CEMIP: variants seen among roughly 807,000 people sequenced by gnomAD.
CEMIP encodes the protein cell migration inducing hyaluronidase 1, also known as cell migration-inducing and hyaluronan-binding protein.
A neutral mutation model predicts 156.9 loss-of-function variants in CEMIP; 105 were observed. The observed-to-expected ratio is 0.67, with a 90% confidence interval of 0.57 to 0.79. The LOEUF (loss-of-function observed/expected upper bound fraction) is 0.79. Among genes scored for constraint, CEMIP ranks in the 30% least tolerant of loss-of-function variants. CEMIP has a pLI of 0.00. For missense variants in CEMIP, 1,457 were observed against 1,769.4 expected (o/e 0.82, Z 3.17); for synonymous variants, 676 against 668.4 (o/e 1.01, Z -0.17).
intron 1 of CEMIP, among the ~76,000 whole-genome samples, chr15:80,857,260 G>A (rs1260432359): frequency 6.6e-6 from 1 of 152,208 alleles, no homozygotes; most frequent in Non-Finnish European, 1.5e-5. Context: ...GCCAGGCCCT[G>A]CCTCATGACA....
chr15:80,826,320 G>A (rs563911556), intron 1 of CEMIP, among the ~76,000 whole-genome samples: 4 of 152,238 alleles, frequency 2.6e-5, no homozygotes, highest in East Asian at 1.9e-4. Flanking sequence ...TTCCCCTGCC[G>A]CCTTCCTGGT....
At chr15:80,921,896 G>T in intron 16 of CEMIP, 113 bp from the exon 17 acceptor site, 1 of 1,397,784 alleles carries the variant, frequency 7.2e-7, no homozygotes. Context: ...GGCTCCTGTG[G>T]GTGACGGCAG....
intron 1 of CEMIP, among the ~76,000 whole-genome samples, chr15:80,827,941 T>G (rs987516745): frequency 6.6e-6 from 1 of 152,154 alleles, no homozygotes; most frequent in African/African-American, 2.4e-5. Context: ...TTTGAAACAG[T>G]CTCATACCAC....
At chr15:80,902,290 C>T (rs1284835363) in intron 12 of CEMIP, among the ~76,000 whole-genome samples, 1 of 152,216 alleles carries the variant, frequency 6.6e-6, no homozygotes, top group Non-Finnish European at 1.5e-5. Context: ...GCTTCCCAGG[C>T]CTCCTCCCCG....
intron 1 of CEMIP, among the ~76,000 whole-genome samples, chr15:80,835,732 GGGTTTCCTCTTTCTTAGGGACCT>G: frequency 6.6e-6 from 1 of 152,274 alleles, no homozygotes; most frequent in African/African-American, 2.4e-5. Flanking sequence ...GATTTCTTAG[GGGTTTCCTCTTTCTTAGGGACCT>G]TGCAGGCTGG....
intron 1 of CEMIP, among the ~76,000 whole-genome samples, chr15:80,841,541 C>T (rs1276000888): frequency 6.6e-6 from 1 of 152,224 alleles, no homozygotes; most frequent in Non-Finnish European, 1.5e-5. Context: ...AGAATTTGGA[C>T]CTTGTTTCTC....
Position 80,807,412 on chromosome 15 carries a change from A to G in CEMIP, c.-176+27798A>G, listed in dbSNP as rs959958703. The stretch of plus-strand genomic sequence containing the variant: ...TGCCTGCTAATTAATTTGTATAGAA[A>G]CAGAGTTTCACTATGCTGTCCAGGC... On this transcript the variant is annotated intron_variant, in intron 1 of 29. Transcript: ENST00000394685. Among the ~76,000 whole-genome samples the G allele has an allele frequency of 3.9e-5, 6 of 152,178 alleles. No homozygotes were observed. The East Asian group carries it at 5.8e-4, about 15-fold the overall frequency.
At chr15:80,848,271 C>G (rs1897612543) in intron 1 of CEMIP, among the ~76,000 whole-genome samples, 1 of 152,172 alleles carries the variant, frequency 6.6e-6, no homozygotes, top group South Asian at 2.1e-4. Context: ...CCTCCACCAG[C>G]CTTTTTCCTA....
intron 1 of CEMIP, among the ~76,000 whole-genome samples, chr15:80,869,173 T>G (rs1250955272): frequency 2.0e-5 from 3 of 152,196 alleles, no homozygotes; most frequent in Non-Finnish European, 4.4e-5. Flanking sequence ...CCTCTTCTTA[T>G]GAGGACACCA....
chr15:80,789,593 G>A (rs1163836244), intron 1 of CEMIP, among the ~76,000 whole-genome samples: 3 of 152,032 alleles, frequency 2.0e-5, no homozygotes, highest in Non-Finnish European at 4.4e-5. Context: ...AAAAAGGCGT[G>A]GTCATCTCAG....
intron 1 of CEMIP, among the ~76,000 whole-genome samples, chr15:80,848,516 C>G (rs1006847266): frequency 6.6e-6 from 1 of 152,184 alleles, no homozygotes; most frequent in Admixed American, 6.5e-5. Context: ...TCTTCTTGAA[C>G]TCATGCAGTG....
intron 1 of CEMIP, among the ~76,000 whole-genome samples, chr15:80,847,563 C>A (rs903819408): frequency 6.6e-6 from 1 of 152,148 alleles, no homozygotes; most frequent in African/African-American, 2.4e-5. Flanking sequence ...GAGTAGGACC[C>A]CCAGAATCCA....
intron 1 of CEMIP, among the ~76,000 whole-genome samples, chr15:80,873,168 T>C (rs542331737): frequency 2.6e-5 from 4 of 152,342 alleles, no homozygotes; most frequent in African/African-American, 9.6e-5. Context: ...AATGTAATCT[T>C]TATTCTAGGT....
intron 1 of CEMIP, among the ~76,000 whole-genome samples, chr15:80,804,332 A>C (rs1896456450): frequency 6.6e-6 from 1 of 152,234 alleles, no homozygotes; most frequent in African/African-American, 2.4e-5. Flanking sequence ...TTTGTAAATA[A>C]TATGGCTGCA....
chr15:80,914,409 A>C (rs1900184050), intron 14 of CEMIP, among the ~76,000 whole-genome samples: 1 of 152,188 alleles, frequency 6.6e-6, no homozygotes, highest in Non-Finnish European at 1.5e-5. Flanking sequence ...AATAGCCACA[A>C]GATGCTTGAA....
chr15:80,942,607 C>T (rs1398903496), intron 27 of CEMIP, among the ~76,000 whole-genome samples: 1 of 152,188 alleles, frequency 6.6e-6, no homozygotes, highest in East Asian at 1.9e-4. Flanking sequence ...CACCTCTCCT[C>T]CTGCCTTTCT....
At chr15:80,844,022 A>G (rs898277039) in intron 1 of CEMIP, among the ~76,000 whole-genome samples, 1 of 152,264 alleles carries the variant, frequency 6.6e-6, no homozygotes, top group Non-Finnish European at 1.5e-5. Context: ...GCTTCAACTC[A>G]GCCCCAGATC....
intron 1 of CEMIP, among the ~76,000 whole-genome samples, chr15:80,807,199 A>G (rs1426050387): frequency 6.6e-6 from 1 of 151,842 alleles, no homozygotes; most frequent in Admixed American, 6.6e-5. Context: ...TTGAGGTTAA[A>G]GGAAGAGTAG....
At chr15:80,868,753 T>C (rs1041789492) in intron 1 of CEMIP, among the ~76,000 whole-genome samples, 1 of 152,220 alleles carries the variant, frequency 6.6e-6, no homozygotes, top group Non-Finnish European at 1.5e-5. Flanking sequence ...ATAATAATGA[T>C]ACCTAGCTCA....
Sources: allele counts gnomAD v4.1 joint callset (sites outside exome capture counted in the v4.1 genomes callset), GRCh38; gene constraint gnomAD v4.1.1; transcripts MANE v1.5; gene names NCBI Gene and HGNC (gene_info 2026-07-23, HGNC 2026-07-21).